Variants in CHD8 observed in about 807,000 individuals in gnomAD.
The protein encoded by CHD8 is ATP-dependent chromatin remodeler CHD8.
In CHD8, 31 loss-of-function variants were observed where a neutral mutation model predicts 279.2. The observed-to-expected ratio is 0.11, with a 90% confidence interval of 0.08 to 0.15. The LOEUF (loss-of-function observed/expected upper bound fraction) is 0.15, where lower values mean the gene tolerates loss of function less well. Ranked by LOEUF, CHD8 falls within the 10% of genes least tolerant of loss-of-function variation. The pLI, the probability that CHD8 is intolerant of heterozygous loss-of-function variation, is 1.00. For synonymous variants in CHD8, 1,081 were observed against 1,139.6 expected, an observed-to-expected ratio of 0.95 and a Z score of 1.04; for missense variants, 2,146 against 3,230.5, an observed-to-expected ratio of 0.66 and a Z score of 8.14.
At chr14:21,391,119 T>C (rs377355177) in intron 36 of CHD8, 56 bp from the exon 37 acceptor site, 1 of 1,099,018 alleles carries the variant, frequency 9.1e-7, no homozygotes. Context: ...CTGGAGTAAT[T>C]ATTAAAGTAC....
In CHD8 at chr14:21,403,604, A is replaced by C. The variant is rs1888126656; in HGVS notation, c.3367T>G (p.Phe1123Val). ...GAACGAACCATGGCCTGCAGGTGAAAGTCATGAGGTATAATATGGCAAGCT... is the reference window on the plus strand; with the variant it reads ...GAACGAACCATGGCCTGCAGGTGAACGTCATGAGGTATAATATGGCAAGCT... ...REACHIIPHD[F>V]HLQAMVRSAG... The change falls in exon 17 of 38, where the codon TTT (phenylalanine) becomes GTT (valine). Residue 1123 changes from phenylalanine to valine, a missense_variant. Physicochemically the swap from Phe to Val is conservative, Grantham distance 50. Transcript: ENST00000646647. This position sits in a 1 kb window ranked among gnomAD's most constrained non-coding sequence, Gnocchi z 4.3. The C allele has an allele frequency of 1.2e-6, 2 of 1,610,606 alleles. No individual in the cohort carries two copies. Among genetic ancestry groups the C allele is most frequent in the Non-Finnish European group, 8.5e-7 (1 of 1,178,320 alleles).
rs750565245 is a variant in CHD8 at position 21,429,330 on chromosome 14, T to C, written c.849A>G (p.Glu283=). ...GGAGGACCAGGGTGATGCGTTTCGATTCACCCTAAAGTGAAGAAAGGAAAT... is the reference window on the plus strand; with the variant it reads ...GGAGGACCAGGGTGATGCGTTTCGACTCACCCTAAAGTGAAGAAAGGAAAT... ...VTLTSTPTQG[E]SKRITLVLQQ... The change falls in exon 3 of 38, where the codon GAA becomes GAG. Residue 283 remains glutamate, a synonymous_variant. Coordinates refer to ENST00000646647, the MANE Select transcript of CHD8 (RefSeq NM_001170629.2). The C allele has an allele frequency of 1.2e-6, 2 of 1,602,826 alleles. No individual in the cohort carries two copies. Among genetic ancestry groups the C allele is most frequent in the Non-Finnish European group, 1.7e-6 (2 of 1,171,870 alleles).
At chr14:21,452,410 A>G (rs1251476979) in intron 1 of CHD8, among the ~76,000 whole-genome samples, 2 of 152,044 alleles carry the variant, frequency 1.3e-5, no homozygotes, top group African/African-American at 2.4e-5. Context: ...TGGGAGGCCG[A>G]GGCAGGCAGA....
chr14:21,399,497 A>C, intron 26 of CHD8, 105 bp downstream of exon 26: 1 of 772,922 alleles, frequency 1.3e-6, no homozygotes, highest in East Asian at 2.6e-5. Flanking sequence ...TTTATTGAAG[A>C]TCAATCAGAT....
chr14:21,439,445 T>A (rs1044217968), intron 1 of CHD8, among the ~76,000 whole-genome samples: 6 of 152,204 alleles, frequency 3.9e-5, no homozygotes, highest in Admixed American at 3.9e-4. Context: ...TAACAAAGAT[T>A]TTGGAGCTGC....
Position 21,430,990 on chromosome 14 carries a change from G to A in CHD8, c.654C>T (p.Val218=), listed in dbSNP as rs373093453. The A allele has an allele frequency of 3.8e-6, 6 of 1,599,566 alleles. No homozygotes were observed. The highest frequency in any genetic ancestry group is 4.2e-6 in the Non-Finnish European group (5 of 1,179,810). ...TGGCGGCCAACACTGTATTACCAGA[G>A]ACAATGGAAACACCTGGTCGAAGGG... is the stretch of plus-strand genomic sequence containing the variant. ...GTPLRPGVSI[V]SGNTVLAAKV... is the part of the protein sequence containing the mutation. Residue 218 remains valine, a synonymous_variant, in exon 2 of 38, where the codon GTC becomes GTT. Coordinates refer to ENST00000646647, the MANE Select transcript of CHD8 (RefSeq NM_001170629.2).
intron 10 of CHD8, among the ~76,000 whole-genome samples, chr14:21,410,334 T>C (rs1888435300): frequency 6.6e-6 from 1 of 152,218 alleles, no homozygotes; most frequent in African/African-American, 2.4e-5. Flanking sequence ...TTCTGTGCCA[T>C]ACTATTCTCC....
chr14:21,385,594 T>C lies in CHD8; in HGVS notation c.*19A>G. 2 of 1,543,856 alleles carry C rather than the reference T, an allele frequency of 1.3e-6. No individual in the cohort carries two copies. The highest frequency in any genetic ancestry group is 1.2e-5 in the South Asian group (1 of 83,458). ...GAAAATACAGCAGCCGCCCAAGCAA[T>C]GGGGCCCATGCTGGGGCTTCAGTCA... On this transcript the variant is annotated 3_prime_UTR_variant, in exon 38 of 38. Coordinates refer to ENST00000646647, the MANE Select transcript of CHD8 (RefSeq NM_001170629.2).
intron 32 of CHD8, 52 bp from the exon 33 acceptor site, chr14:21,393,306 TA>T: frequency 1.2e-6 from 2 of 1,607,404 alleles, no homozygotes; most frequent in South Asian, 2.2e-5. Flanking sequence ...AATAATGTCA[TA>T]TGGTAATGGT....
chr14:21,418,248 T>C (rs914268250), intron 5 of CHD8, among the ~76,000 whole-genome samples: 12 of 152,224 alleles, frequency 7.9e-5, no homozygotes, highest in Non-Finnish European at 1.5e-4. Context: ...CCGGGCACGG[T>C]GGATCACGCC....
At chr14:21,422,186 C>G (rs571512925) in intron 5 of CHD8, among the ~76,000 whole-genome samples, 1 of 152,046 alleles carries the variant, frequency 6.6e-6, no homozygotes, top group Non-Finnish European at 1.5e-5. Context: ...ACTAAAAATA[C>G]AAAAATTAGC....
chr14:21,421,365 T>C (rs962561916), intron 5 of CHD8, among the ~76,000 whole-genome samples: 1 of 151,734 alleles, frequency 6.6e-6, no homozygotes, highest in Non-Finnish European at 1.5e-5. Flanking sequence ...ACTTCATTGT[T>C]TTTAACTGCC....
chr14:21,402,661 A>G lies in CHD8; in HGVS notation c.3715-158T>C, dbSNP rs1888088898. ...AATTTCAAGATGAAATTATCACCCC[A>G]TCATGTAGACCAGGGGTCAGCAAAC... On this transcript the variant is annotated intron_variant, in intron 18 of 37. Coordinates refer to ENST00000646647, the MANE Select transcript of CHD8 (RefSeq NM_001170629.2). The surrounding 1 kb of genome is among the most constrained non-coding windows in gnomAD (Gnocchi z 4.5). Among the ~76,000 whole-genome samples the G allele has an allele frequency of 6.6e-6, 1 of 152,218 alleles. No individual in the cohort carries two copies. The highest frequency in any genetic ancestry group is 2.4e-5 in the African/African-American group (1 of 41,458).
rs1085307794 is a variant in CHD8, at chr14:21,394,976, G to A, written c.5326C>T (p.Arg1776Ter). The change falls in exon 30 of 38, where the codon CGA (arginine) becomes TGA (stop). Residue 1776 changes from arginine (R) to a stop codon, truncating the protein, a stop_gained. Coordinates refer to ENST00000646647, the MANE Select transcript of CHD8 (RefSeq NM_001170629.2). LOFTEE classifies it high-confidence loss of function. ...KIEAAERGDR[R>*]RRRCEAAFKL... is the part of the protein sequence containing the mutation. ...AAGGCTGCTTCACAACGCCGCCTTC[G>A]CCGGTCCCCACGTTCTGCAGCCTCT... The A allele has an allele frequency of 6.2e-7, 1 of 1,613,976 alleles. No homozygotes were observed. The highest frequency in any genetic ancestry group is 8.5e-7 in the Non-Finnish European group (1 of 1,179,890).
intron 4 of CHD8, 75 bp downstream of exon 4, chr14:21,427,794 T>C (rs940613860): frequency 1.1e-5 from 17 of 1,549,338 alleles, no homozygotes; most frequent in Middle Eastern, 2.3e-4. Context: ...CCCTCAAATG[T>C]ACCATCCCAA....
chr14:21,427,996 C>T lies in CHD8; in HGVS notation c.1474G>A (p.Val492Ile). 1 of 1,614,078 alleles carries T rather than the reference C, an allele frequency of 6.2e-7. No individual in the cohort carries two copies. The highest frequency in any genetic ancestry group is 1.1e-5 in the South Asian group (1 of 91,088). Residue 492 changes from valine to isoleucine, a missense_variant, in exon 4 of 38, where the codon GTT (valine) becomes ATT (isoleucine). By Grantham distance (29) the Val-to-Ile change is conservative. Around this residue, in one of 26 missense-constraint regions of CHD8, gnomAD observed 123 missense variants for 169.2 expected, o/e 0.73. Coordinates refer to ENST00000646647, the MANE Select transcript of CHD8 (RefSeq NM_001170629.2). ...TTCTCGCCTTCCTCCTCTGGCCGAACGCTGGGCAACTCGTCCTCATTTAAG... is the reference window on the plus strand; with the variant it reads ...TTCTCGCCTTCCTCCTCTGGCCGAATGCTGGGCAACTCGTCCTCATTTAAG... ...RVLNEDELPS[V>I]RPEEEGEKKR...
chr14:21,415,532 A>AATAG (rs1888679728), intron 7 of CHD8, 42 bp downstream of exon 7: 1 of 1,022,568 alleles, frequency 9.8e-7, no homozygotes, highest in Admixed American at 3.9e-5. Context: ...TAAATAAATA[A>AATAG]ATAAATAAAT....
At chr14:21,414,238 T>C (rs903482342) in intron 9 of CHD8, 63 bp downstream of exon 9, 15 of 853,794 alleles carry the variant, frequency 1.8e-5, no homozygotes, top group Non-Finnish European at 2.9e-5. Flanking sequence ...CAGCCAAGGC[T>C]GACAACCCCA....
intron 16 of CHD8, among the ~76,000 whole-genome samples, chr14:21,404,409 A>AC (rs1161487322): frequency 4.6e-5 from 7 of 151,952 alleles, no homozygotes; most frequent in African/African-American, 1.7e-4. Context: ...AAAAAAAAAA[A>AC]AAAAAAAAAA....
Sources: allele counts gnomAD v4.1 joint callset (sites outside exome capture counted in the v4.1 genomes callset), GRCh38; gene constraint gnomAD v4.1.1; regional missense constraint gnomAD v4.1.1; non-coding constraint Gnocchi (gnomAD v3.1); transcripts MANE v1.5; gene names NCBI Gene and HGNC (gene_info 2026-07-23, HGNC 2026-07-21).